Variants in DMD observed in about 807,000 individuals in gnomAD.
The protein encoded by DMD is mutant dystrophin.
In DMD, 63 loss-of-function variants were observed where a neutral mutation model predicts 330.1. That is an observed-to-expected ratio of 0.19 (90% CI 0.16 to 0.24). The LOEUF (loss-of-function observed/expected upper bound fraction) is 0.24. Ranked by LOEUF, DMD falls within the 10% of genes least tolerant of loss-of-function variation. DMD has a pLI of 1.00. For synonymous variants in DMD, 1,223 were observed against 959.8 expected, an observed-to-expected ratio of 1.27 and a Z score of -5.07; for missense variants, 3,344 against 2,684.1, an observed-to-expected ratio of 1.25 and a Z score of -5.43.
At chrX:32,675,679 T>TTG (rs1404849351) in intron 9 of DMD, among the ~76,000 whole-genome samples, 3 of 111,421 alleles carry the variant, frequency 2.7e-5, no homozygotes, top group East Asian at 5.6e-4. Flanking sequence ...TGGAATGAGA[T>TTG]TGTGTGTGTG....
intron 45 of DMD, among the ~76,000 whole-genome samples, chrX:31,955,003 CAAAAAAA>C (rs530305580): frequency 1.0e-4 from 6 of 60,275 alleles, no homozygotes; most frequent in Admixed American, 4.1e-4. Context: ...CTGCCTCTAC[CAAAAAAA>C]AAAAAAAAAA....
At chrX:31,578,036 C>T (rs1055053771) in intron 55 of DMD, among the ~76,000 whole-genome samples, 17 of 111,310 alleles carry the variant, frequency 1.5e-4, no homozygotes, top group Admixed American at 4.8e-4. Flanking sequence ...GTAAACTATA[C>T]AAACTTCCAT....
chrX:32,859,425 G>T (rs1466312842), intron 2 of DMD, among the ~76,000 whole-genome samples: 1 of 107,419 alleles, frequency 9.3e-6, no homozygotes, highest in Admixed American at 1.0e-4. Context: ...CCGAGATCGT[G>T]CCACTGCACT....
intron 2 of DMD, among the ~76,000 whole-genome samples, chrX:32,947,133 A>G (rs752111100): frequency 8.9e-6 from 1 of 112,143 alleles, no homozygotes; most frequent in African/African-American, 3.2e-5. Context: ...ATTGTCCAGC[A>G]TATCCTCCAT....
At chrX:32,178,057 A>G (rs781189354) in intron 44 of DMD, among the ~76,000 whole-genome samples, 2 of 109,471 alleles carry the variant, frequency 1.8e-5, no homozygotes, top group South Asian at 8.0e-4. Context: ...AGAAAGAAAA[A>G]CAATGTTGCG....
chrX:32,872,908 A>G (rs749443211), intron 2 of DMD, among the ~76,000 whole-genome samples: 3 of 111,917 alleles, frequency 2.7e-5, no homozygotes, highest in African/African-American at 9.7e-5. Context: ...GAAGCAATGG[A>G]AGACTCCAGT....
intron 52 of DMD, among the ~76,000 whole-genome samples, chrX:31,694,649 T>TATATATATATAC (rs1156942395): frequency 1.2e-4 from 9 of 75,639 alleles, no homozygotes; most frequent in African/African-American, 2.4e-4. Context: ...TATATATATA[T>TATATATATATAC]ACACACACAT....
intron 44 of DMD, among the ~76,000 whole-genome samples, chrX:32,096,830 C>T (rs1206633238): frequency 9.0e-6 from 1 of 111,658 alleles, no homozygotes; most frequent in African/African-American, 3.3e-5. Context: ...GAGACTTTAG[C>T]ATGAGTCCAG....
chrX:31,302,457 G>T (rs1209428571), intron 62 of DMD, among the ~76,000 whole-genome samples: 3 of 111,343 alleles, frequency 2.7e-5, no homozygotes, highest in Non-Finnish European at 3.8e-5. Flanking sequence ...ATAGTTTCCA[G>T]CTCTATATTT....
intron 1 of DMD, among the ~76,000 whole-genome samples, chrX:33,330,130 G>A (rs1269828679): frequency 9.0e-6 from 1 of 110,798 alleles, no homozygotes; most frequent in Non-Finnish European, 1.9e-5. Context: ...AGAAAGAGGA[G>A]AGAGAGAGAC....
At chrX:32,459,316 G>C in intron 25 of DMD, among the ~76,000 whole-genome samples, 1 of 110,584 alleles carries the variant, frequency 9.0e-6, no homozygotes, top group East Asian at 2.8e-4. Flanking sequence ...TACAGCTTTT[G>C]GTATGTCAGT....
Position 32,447,309 on chromosome X carries a change from G to A in DMD, c.3786+1147C>T, listed in dbSNP as rs142461043. Among the ~76,000 whole-genome samples the A allele has an allele frequency of 3.0e-4, 33 of 109,980 alleles. No homozygotes were observed. In the East Asian group the frequency reaches 6.5e-3, roughly 22 times the overall value. On this transcript the variant is annotated intron_variant, in intron 27 of 78. Coordinates refer to ENST00000357033, the MANE Select transcript of DMD (RefSeq NM_004006.3). ...CACATAACACTGATACATAAGATACGTCATTATATCCTCAGAAACTGTAAT... is the reference window on the plus strand; with the variant it reads ...CACATAACACTGATACATAAGATACATCATTATATCCTCAGAAACTGTAAT...
At chrX:33,026,215 G>A (rs1602843020) in intron 1 of DMD, among the ~76,000 whole-genome samples, 2 of 102,811 alleles carry the variant, frequency 1.9e-5, no homozygotes, top group Admixed American at 2.2e-4. Flanking sequence ...GGCGCCTGTA[G>A]TCCCAGCTAC....
intron 11 of DMD, among the ~76,000 whole-genome samples, chrX:32,630,944 G>A (rs2058690897): frequency 9.0e-6 from 1 of 111,251 alleles, no homozygotes; most frequent in Non-Finnish European, 1.9e-5. Flanking sequence ...TTGCAGTATC[G>A]GCTTGTTTGT....
At chrX:31,704,793 T>A (rs1194800136) in intron 52 of DMD, among the ~76,000 whole-genome samples, 1 of 112,159 alleles carries the variant, frequency 8.9e-6, no homozygotes, top group Non-Finnish European at 1.9e-5. Context: ...TGTTAATTAT[T>A]TGTTCCTTTA....
intron 44 of DMD, among the ~76,000 whole-genome samples, chrX:32,136,282 G>A (rs753364456): frequency 8.9e-6 from 1 of 112,342 alleles, no homozygotes; most frequent in South Asian, 3.6e-4. Context: ...CTGTTGGTGT[G>A]TCCCACCTAG....
chrX:32,786,195 A>G (rs2075347791), intron 7 of DMD, among the ~76,000 whole-genome samples: 1 of 110,612 alleles, frequency 9.0e-6, no homozygotes, highest in Non-Finnish European at 1.9e-5. Flanking sequence ...GATTCTATAC[A>G]GAAAAACTTA....
chrX:31,924,349 T>C (rs1490163152), intron 47 of DMD, among the ~76,000 whole-genome samples: 1 of 112,217 alleles, frequency 8.9e-6, no homozygotes. Flanking sequence ...TACTGACGAC[T>C]AATAATGACT....
chrX:32,691,667 A>C (rs1035796084), intron 9 of DMD, among the ~76,000 whole-genome samples: 1 of 111,552 alleles, frequency 9.0e-6, no homozygotes, highest in Non-Finnish European at 1.9e-5. Context: ...TATTTATCCA[A>C]AAGAATTGAA....
Sources: gnomAD v4.1 joint callset for allele counts (sites outside exome capture counted in the v4.1 genomes callset) on GRCh38, gnomAD v4.1.1 for gene constraint, MANE v1.5 for transcripts, NCBI Gene and HGNC (gene_info 2026-07-23, HGNC 2026-07-21) for gene names.